The following EHMT1 variants were observed in gnomAD, a reference collection of about 807,000 sequenced individuals.
The protein encoded by EHMT1 is euchromatic histone lysine methyltransferase 1, also known as histone-lysine N-methyltransferase EHMT1.
Under a neutral mutation model 147.2 loss-of-function variants are expected in EHMT1, and 15 were observed. The observed-to-expected ratio is 0.10, with a 90% CI of 0.07 to 0.16. EHMT1 has a LOEUF of 0.16. Among genes scored for constraint, EHMT1 ranks in the 10% least tolerant of loss-of-function variants. EHMT1 has a pLI of 1.00. For synonymous variants in EHMT1, 795 were observed against 709.6 expected (o/e 1.12, Z -1.91); for missense variants, 1,587 against 1,772.4 (o/e 0.90, Z 1.88).
intron 18 of EHMT1, chr9:137,802,987 G>C: frequency 1.6e-6 from 2 of 1,232,184 alleles, no homozygotes; most frequent in Non-Finnish European, 2.0e-6. Flanking sequence ...CAAAGGCAGA[G>C]AACAAGGCAG....
intron 1 of EHMT1, among the ~76,000 whole-genome samples, chr9:137,698,170 A>G (rs1482923545): frequency 2.6e-5 from 4 of 152,186 alleles, no homozygotes; most frequent in African/African-American, 7.2e-5. Flanking sequence ...GAGGAGGATC[A>G]TTATTACTGG....
intron 4 of EHMT1, among the ~76,000 whole-genome samples, chr9:137,740,991 G>GT (rs1948013289): frequency 1.5e-5 from 2 of 136,080 alleles, no homozygotes; most frequent in African/African-American, 2.9e-5. Context: ...TTTTTTGTTT[G>GT]TTTGAGACAG....
chr9:137,821,318 CTTTTT>C (rs778919891), intron 25 of EHMT1, among the ~76,000 whole-genome samples: 2 of 63,980 alleles, frequency 3.1e-5, no homozygotes, highest in African/African-American at 6.8e-5. Flanking sequence ...TGCGCCCGGC[CTTTTT>C]TTTTTTTTTT....
intron 25 of EHMT1, among the ~76,000 whole-genome samples, chr9:137,821,862 T>A (rs1666655962): frequency 6.6e-6 from 1 of 152,258 alleles, no homozygotes; most frequent in South Asian, 2.1e-4. Flanking sequence ...TTTATGGTTT[T>A]CTGTGGTGTG....
chr9:137,797,215 C>T (rs1438695183), intron 16 of EHMT1, among the ~76,000 whole-genome samples: 1 of 152,086 alleles, frequency 6.6e-6, no homozygotes, highest in Non-Finnish European at 1.5e-5. Context: ...TGCCTGCAGA[C>T]CTCACAGCTA....
chr9:137,693,322 T>C (rs1462396112), intron 1 of EHMT1, among the ~76,000 whole-genome samples: 1 of 152,158 alleles, frequency 6.6e-6, no homozygotes, highest in Admixed American at 6.5e-5. Flanking sequence ...TGAATAATAT[T>C]AGAGCTGATA....
rs56789797 is a variant in EHMT1 at position 137,648,849 on chromosome 9, C to G, written c.21+29800C>G. 3.8e-3 allele frequency among the ~76,000 whole-genome samples: 578 copies of G among 152,300 alleles called. 2 individuals are homozygous for G. The highest frequency in any genetic ancestry group is 0.013 in the African/African-American group (561 of 41,556). Reference sequence around the variant, plus strand: ...TCATCCTCAGGGTGCATCCCGTTTCCCTGACTTCTCTCCCTATCATGGCAT... The same window carrying G: ...TCATCCTCAGGGTGCATCCCGTTTCGCTGACTTCTCTCCCTATCATGGCAT... On this transcript the variant is annotated intron_variant, in intron 1 of 26. Coordinates refer to ENST00000460843, the MANE Select transcript of EHMT1 (RefSeq NM_024757.5).
Position 137,743,447 on chromosome 9 carries a change from T to C in EHMT1, c.900T>C (p.Pro300=), listed in dbSNP as rs1554858785. The C allele has an allele frequency of 1.9e-6, 3 of 1,613,872 alleles. No individual in the cohort carries two copies. The highest frequency in any genetic ancestry group is 2.5e-6 in the Non-Finnish European group (3 of 1,180,002). The change falls in exon 5 of 27, where the codon CCT becomes CCC. Residue 300 remains proline (P), a synonymous_variant. Coordinates refer to ENST00000460843, the MANE Select transcript of EHMT1 (RefSeq NM_024757.5). ...KRRMGTYSLV[P]KKKTKVLKQR... ...GAATGGGAACCTATAGCCTGGTTCC[T>C]AAGAAAAAGACCAAAGTATTAAAAC...
At chr9:137,802,881 G>T in intron 18 of EHMT1, 5 of 1,232,238 alleles carry the variant, frequency 4.1e-6, no homozygotes, top group Non-Finnish European at 5.1e-6. Context: ...GAAGAGAGGA[G>T]CCCTGAGCCG....
chr9:137,780,585 T>C (rs1218157393), intron 14 of EHMT1, among the ~76,000 whole-genome samples: 15 of 124,892 alleles, frequency 1.2e-4, no homozygotes, highest in South Asian at 5.8e-4. Context: ...GTGATGACGC[T>C]GGGATGTGTG....
At chr9:137,784,317 C>T (rs377500799) in intron 15 of EHMT1, 52 of 1,349,614 alleles carry the variant, frequency 3.9e-5, no homozygotes, top group South Asian at 3.1e-4. Flanking sequence ...TTCACAGCCT[C>T]GTAGCCTCTT....
chr9:137,781,097 TGTG>T (rs1337209042), intron 14 of EHMT1, among the ~76,000 whole-genome samples: 2 of 66,238 alleles, frequency 3.0e-5, no homozygotes, highest in African/African-American at 1.7e-4. Context: ...CGCTGGGATG[TGTG>T]GTGATGACGC....
intron 10 of EHMT1, among the ~76,000 whole-genome samples, chr9:137,768,099 G>A (rs1409847600): frequency 2.6e-5 from 4 of 152,102 alleles, no homozygotes; most frequent in African/African-American, 7.2e-5. Context: ...TGGAGTGGGC[G>A]ACACCATTTA....
intron 25 of EHMT1, chr9:137,832,761 GC>G: frequency 6.6e-6 from 1 of 152,428 alleles, no homozygotes; most frequent in Non-Finnish European, 1.5e-5. Flanking sequence ...CAGACGAGCT[GC>G]CCCTGGTGAA....
intron 10 of EHMT1, among the ~76,000 whole-genome samples, chr9:137,766,280 A>T (rs1266767039): frequency 6.6e-6 from 1 of 152,176 alleles, no homozygotes; most frequent in Non-Finnish European, 1.5e-5. Context: ...TGCTGATTTT[A>T]TCATTTATTA....
chr9:137,673,783 TG>T (rs1940941629), intron 1 of EHMT1, among the ~76,000 whole-genome samples: 1 of 152,186 alleles, frequency 6.6e-6, no homozygotes, highest in Non-Finnish European at 1.5e-5. Flanking sequence ...TGTGAGAGTA[TG>T]TATGAATTGA....
intron 7 of EHMT1, among the ~76,000 whole-genome samples, chr9:137,752,686 A>AGG (rs1469835527): frequency 6.6e-6 from 1 of 152,092 alleles, no homozygotes; most frequent in Non-Finnish European, 1.5e-5. Flanking sequence ...AGGTTCTCAG[A>AGG]GGGAGAGGGT....
At chr9:137,821,639 A>G (rs1955432137) in intron 25 of EHMT1, among the ~76,000 whole-genome samples, 1 of 152,074 alleles carries the variant, frequency 6.6e-6, no homozygotes, top group Non-Finnish European at 1.5e-5. Flanking sequence ...GCTTCACCAT[A>G]GAGTTTGTGT....
intron 1 of EHMT1, among the ~76,000 whole-genome samples, chr9:137,642,382 C>T (rs906086771): frequency 2.6e-5 from 4 of 151,956 alleles, no homozygotes; most frequent in Admixed American, 2.0e-4. Context: ...CATAGTGCAC[C>T]GTGGCCTTGA....
Sources: allele counts gnomAD v4.1 joint callset (sites outside exome capture counted in the v4.1 genomes callset), GRCh38; gene constraint gnomAD v4.1.1; transcripts MANE v1.5; gene names NCBI Gene and HGNC (gene_info 2026-07-23, HGNC 2026-07-21).